The following SLIT3 variants were observed in gnomAD, a reference collection of about 807,000 sequenced individuals.
The protein encoded by SLIT3 is slit homolog 3 protein.
A neutral mutation model predicts 184.0 loss-of-function variants in SLIT3; 68 were observed. The ratio of observed to expected loss-of-function variants is 0.37; its 90% CI spans 0.30 to 0.45. The LOEUF is 0.45. Ranked by LOEUF, SLIT3 falls within the 20% of genes least tolerant of loss-of-function variation. The probability of loss-of-function intolerance (pLI) is 1.00; values close to 1 mark genes in which losing one functional copy is unlikely to be tolerated. For missense variants in SLIT3, 1,707 were observed against 2,026.0 expected (o/e 0.84, Z 3.02); for synonymous variants, 831 against 828.6 (o/e 1.00, Z -0.05).
intron 4 of SLIT3, among the ~76,000 whole-genome samples, chr5:169,087,319 G>A (rs949911087): frequency 2.6e-5 from 4 of 152,176 alleles, no homozygotes; most frequent in Admixed American, 2.6e-4. Flanking sequence ...ATATTTTGCT[G>A]TGAGGTTGGT....
At chr5:169,098,521 T>C (rs1194101974) in intron 4 of SLIT3, among the ~76,000 whole-genome samples, 1 of 152,214 alleles carries the variant, frequency 6.6e-6, no homozygotes, top group Non-Finnish European at 1.5e-5. Flanking sequence ...TCTCCACCTA[T>C]TCCACACATT....
At chr5:169,269,700 A>T (rs556661038) in intron 1 of SLIT3, among the ~76,000 whole-genome samples, 144 of 152,388 alleles carry the variant, frequency 9.4e-4, no homozygotes, top group African/African-American at 3.3e-3. Flanking sequence ...CCCATGTGGC[A>T]CTGATAAAAT....
At chr5:169,238,177 G>A (rs563025093) in intron 3 of SLIT3, among the ~76,000 whole-genome samples, 1 of 152,088 alleles carries the variant, frequency 6.6e-6, no homozygotes, top group Non-Finnish European at 1.5e-5. Context: ...CTTCAGTATT[G>A]TATTGGCAGT....
At chr5:169,061,186 C>T (rs1758162062) in intron 4 of SLIT3, among the ~76,000 whole-genome samples, 1 of 152,188 alleles carries the variant, frequency 6.6e-6, no homozygotes, top group Non-Finnish European at 1.5e-5. Flanking sequence ...TCCTGGCTGA[C>T]TTAGAGGGAT....
At chr5:168,989,874 G>A (rs1660443598) in intron 4 of SLIT3, among the ~76,000 whole-genome samples, 1 of 152,182 alleles carries the variant, frequency 6.6e-6, no homozygotes, top group Non-Finnish European at 1.5e-5. Context: ...AAGGGGCCAG[G>A]TTGAATGTCC....
At position 169,256,816 on chromosome 5, in the gene SLIT3, C is replaced by T. The variant is rs566327119; in HGVS notation, c.198-5357G>A. On this transcript the variant is annotated intron_variant, in intron 1 of 35. Transcript: ENST00000519560. Reference sequence around the variant, plus strand: ...GAAGGCTCCCGAGTTATTGTGGGAACGAGGTGAGAACTGTTCCTTCTCTCA... The same window carrying T: ...GAAGGCTCCCGAGTTATTGTGGGAATGAGGTGAGAACTGTTCCTTCTCTCA... Among the ~76,000 whole-genome samples the T allele has an allele frequency of 6.6e-5, 10 of 152,220 alleles. No homozygotes were observed. In the South Asian group the frequency reaches 1.0e-3, roughly 16 times the overall value.
intron 4 of SLIT3, among the ~76,000 whole-genome samples, chr5:169,101,486 G>C (rs142912201): frequency 6.6e-6 from 1 of 152,258 alleles, no homozygotes; most frequent in East Asian, 1.9e-4. Context: ...TACTAGAATG[G>C]AGATCTTCAA....
intron 4 of SLIT3, among the ~76,000 whole-genome samples, chr5:168,958,063 C>T (rs1762889421): frequency 6.6e-6 from 1 of 152,178 alleles, no homozygotes; most frequent in South Asian, 2.1e-4. Context: ...ATACCTGCCA[C>T]TAAGATAACT....
chr5:169,065,413 A>G (rs1009011969), intron 4 of SLIT3, among the ~76,000 whole-genome samples: 1 of 152,220 alleles, frequency 6.6e-6, no homozygotes, highest in Non-Finnish European at 1.5e-5. Context: ...GTCCATGTCA[A>G]AGTCCTTGTA....
At chr5:168,948,955 G>A (rs954071529) in intron 4 of SLIT3, among the ~76,000 whole-genome samples, 1 of 152,156 alleles carries the variant, frequency 6.6e-6, no homozygotes, top group African/African-American at 2.4e-5. Context: ...GAGGAGTGTG[G>A]ACTAGCTTAG....
intron 4 of SLIT3, among the ~76,000 whole-genome samples, chr5:169,166,969 A>G (rs751886233): frequency 1.9e-4 from 29 of 152,070 alleles, no homozygotes; most frequent in Non-Finnish European, 4.0e-4. Flanking sequence ...GAGTTTGAGA[A>G]AAGCCTGAGC....
intron 3 of SLIT3, among the ~76,000 whole-genome samples, chr5:169,243,801 CCT>C (rs1765484754): frequency 6.6e-6 from 1 of 152,172 alleles, no homozygotes; most frequent in Admixed American, 6.5e-5. Context: ...CAGCTTCATC[CCT>C]CTGACTGCAG....
intron 14 of SLIT3, among the ~76,000 whole-genome samples, chr5:168,770,339 G>A (rs1755505738): frequency 2.6e-5 from 4 of 152,192 alleles, no homozygotes; most frequent in Admixed American, 2.6e-4. Context: ...TACATCAGCT[G>A]TCTTTTCAAT....
At chr5:168,743,209 T>C (rs1158675785) in intron 20 of SLIT3, among the ~76,000 whole-genome samples, 3 of 152,170 alleles carry the variant, frequency 2.0e-5, no homozygotes, top group African/African-American at 7.2e-5. Context: ...CTTGTTTTAT[T>C]GCACTTTGCT....
intron 4 of SLIT3, among the ~76,000 whole-genome samples, chr5:168,897,464 G>T (rs7704619): frequency 6.6e-6 from 1 of 151,700 alleles, no homozygotes; most frequent in East Asian, 1.9e-4. Flanking sequence ...AGTTAAAGAG[G>T]GAGACTGACA....
intron 4 of SLIT3, among the ~76,000 whole-genome samples, chr5:169,189,527 G>GATATATATAT (rs4042723): frequency 8.7e-5 from 7 of 80,316 alleles, no homozygotes; most frequent in Non-Finnish European, 1.0e-4. Flanking sequence ...AGATAGATGG[G>GATATATATAT]ATATATATAT....
intron 1 of SLIT3, among the ~76,000 whole-genome samples, chr5:169,263,982 T>A (rs1334205962): frequency 2.0e-5 from 3 of 149,926 alleles, no homozygotes; most frequent in African/African-American, 4.9e-5. Flanking sequence ...TTTTTTTTTT[T>A]AAACATTTTA....
At chr5:169,091,673 G>A (rs1340071586) in intron 4 of SLIT3, among the ~76,000 whole-genome samples, 1 of 152,232 alleles carries the variant, frequency 6.6e-6, no homozygotes, top group Non-Finnish European at 1.5e-5. Context: ...GACAAGGAGG[G>A]CAGGCTTGAT....
intron 4 of SLIT3, among the ~76,000 whole-genome samples, chr5:168,944,769 C>G (rs973330244): frequency 8.5e-5 from 13 of 152,122 alleles, no homozygotes; most frequent in African/African-American, 2.9e-4. Flanking sequence ...GGGTGAAAGT[C>G]GTGAGCAAGT....
Sources: allele counts gnomAD v4.1 joint callset (sites outside exome capture counted in the v4.1 genomes callset), GRCh38; gene constraint gnomAD v4.1.1; transcripts MANE v1.5; gene names NCBI Gene and HGNC (gene_info 2026-07-23, HGNC 2026-07-21).